LRP1B: variants seen among roughly 807,000 people sequenced by gnomAD.
The protein encoded by LRP1B is low-density lipoprotein receptor-related protein 1B.
In LRP1B, 217 loss-of-function variants were observed where a neutral mutation model predicts 556.6. The ratio of observed to expected loss-of-function variants is 0.39; its 90% CI spans 0.35 to 0.44. The LOEUF (loss-of-function observed/expected upper bound fraction) is 0.44. Among genes scored for constraint, LRP1B ranks in the 20% least tolerant of loss-of-function variants. The pLI is 1.00. For missense variants in LRP1B, 5,053 were observed against 5,620.8 expected (o/e 0.90, Z 3.23); for synonymous variants, 2,047 against 1,865.8 (o/e 1.10, Z -2.50).
chr2:140,639,115 G>T (rs1684181292), intron 41 of LRP1B, among the ~76,000 whole-genome samples: 1 of 152,090 alleles, frequency 6.6e-6, no homozygotes, highest in Non-Finnish European at 1.5e-5. Context: ...TTTAAAGAAG[G>T]TATGAGTGTT....
intron 3 of LRP1B, among the ~76,000 whole-genome samples, chr2:141,326,806 G>A (rs1687446704): frequency 6.6e-6 from 1 of 152,184 alleles, no homozygotes; most frequent in African/African-American, 2.4e-5. Flanking sequence ...CAAACCCAGA[G>A]AGTTGGAGCT....
chr2:140,256,724 C>T (rs1014972014), intron 86 of LRP1B, among the ~76,000 whole-genome samples: 3 of 151,528 alleles, frequency 2.0e-5, no homozygotes, highest in African/African-American at 4.8e-5. Flanking sequence ...GCCTCAGCTT[C>T]CCAAAGTGCT....
At chr2:141,423,290 C>CTTTTTTTTTTTTTTT (rs1176569388) in intron 3 of LRP1B, among the ~76,000 whole-genome samples, 1 of 68,376 alleles carries the variant, frequency 1.5e-5, no homozygotes, top group Non-Finnish European at 3.0e-5. Flanking sequence ...ACAGCCAGAG[C>CTTTTTTTTTTTTTTT]TTTTTTTTTT....
Position 141,906,263 on chromosome 2 carries a change from C to CA in LRP1B, c.83-95863dup, listed in dbSNP as rs1203968555. ...ATTCTTATTGAAAAACAAAACAGAACAAAAAAAAACAAAAACAATGCATGA... is the reference window on the plus strand; with the variant it reads ...ATTCTTATTGAAAAACAAAACAGAACAAAAAAAAAACAAAAACAATGCATGA... On this transcript the variant is annotated intron_variant, in intron 1 of 90. Coordinates refer to ENST00000389484, the MANE Select transcript of LRP1B (RefSeq NM_018557.3). Among the ~76,000 whole-genome samples, 499 of 148,614 alleles carry CA rather than the reference C, an allele frequency of 3.4e-3. 5 individuals are homozygous for CA. Among genetic ancestry groups the CA allele is most frequent in the Admixed American group, 0.022 (328 of 14,884 alleles).
At chr2:141,007,925 G>T (rs967387298) in intron 14 of LRP1B, among the ~76,000 whole-genome samples, 3 of 151,544 alleles carry the variant, frequency 2.0e-5, no homozygotes, top group East Asian at 3.9e-4. Context: ...TTGGTTATTT[G>T]TTCTGTCATA....
intron 2 of LRP1B, among the ~76,000 whole-genome samples, chr2:141,562,769 C>T (rs768108513): frequency 4.6e-5 from 7 of 151,984 alleles, no homozygotes; most frequent in African/African-American, 1.4e-4. Context: ...TTCAAATATT[C>T]GAGTACCTTG....
chr2:140,425,937 G>A (rs1160263114), intron 66 of LRP1B, among the ~76,000 whole-genome samples: 4 of 152,040 alleles, frequency 2.6e-5, no homozygotes, highest in Non-Finnish European at 5.9e-5. Flanking sequence ...TTGGATTCCT[G>A]GAGTTACTAA....
intron 3 of LRP1B, among the ~76,000 whole-genome samples, chr2:141,276,335 T>C: frequency 6.6e-6 from 1 of 151,936 alleles, no homozygotes; most frequent in East Asian, 1.9e-4. Flanking sequence ...CATGTGCAGG[T>C]TTGCTATATA....
intron 57 of LRP1B, among the ~76,000 whole-genome samples, chr2:140,488,496 G>T (rs1428013008): frequency 6.6e-6 from 1 of 151,926 alleles, no homozygotes; most frequent in African/African-American, 2.4e-5. Flanking sequence ...GGATGCTACA[G>T]CTTTTTGGTT....
intron 50 of LRP1B, among the ~76,000 whole-genome samples, chr2:140,515,563 A>T (rs1689859937): frequency 6.6e-6 from 1 of 152,034 alleles, no homozygotes. Context: ...TAAAAATAGC[A>T]ATTCTGCTTT....
chr2:141,297,411 A>G (rs1337975570), intron 3 of LRP1B, among the ~76,000 whole-genome samples: 1 of 152,180 alleles, frequency 6.6e-6, no homozygotes, highest in Non-Finnish European at 1.5e-5. Context: ...TTTCTCTAAG[A>G]AGTAAGAGTT....
rs1301669845 is a variant in LRP1B, at chr2:141,008,296, T to C, written c.2381-2839A>G. Among the ~76,000 whole-genome samples the C allele has an allele frequency of 4.6e-5, 7 of 151,432 alleles. No individual in the cohort carries two copies. In the East Asian group the frequency reaches 1.4e-3, roughly 29 times the overall value. On this transcript the variant is annotated intron_variant, in intron 14 of 90. Coordinates refer to ENST00000389484, the MANE Select transcript of LRP1B (RefSeq NM_018557.3). ...TTATTCAATTTTTTTAAAATAAAAT[T>C]ACAAGGAAGGTTTTATCTCATTTGC...
rs954102923 is a variant in LRP1B at position 140,856,035 on chromosome 2, T to C, written c.4580-4252A>G. ...AATTCATTTCCTCACCTTTGAATGA[T>C]TGCTATGGCTATGTATCTGGTACAT... On this transcript the variant is annotated intron_variant, in intron 27 of 90. Coordinates refer to ENST00000389484, the MANE Select transcript of LRP1B (RefSeq NM_018557.3). Among the ~76,000 whole-genome samples the C allele has an allele frequency of 4.6e-5, 7 of 152,348 alleles. 1 individual carries two copies. The South Asian group carries it at 1.4e-3, about 32-fold the overall frequency.
At chr2:141,446,238 C>CT (rs974758843) in intron 3 of LRP1B, among the ~76,000 whole-genome samples, 21 of 151,818 alleles carry the variant, frequency 1.4e-4, no homozygotes, top group East Asian at 7.7e-4. Flanking sequence ...AACCCCTGCT[C>CT]TTTTTTTTGC....
intron 3 of LRP1B, among the ~76,000 whole-genome samples, chr2:141,422,184 T>A (rs1680170787): frequency 6.6e-6 from 1 of 152,188 alleles, no homozygotes; most frequent in Admixed American, 6.5e-5. Context: ...AAAAGGCAAA[T>A]GAGTTGGGCA....
At chr2:140,742,543 C>A (rs1186840076) in intron 35 of LRP1B, among the ~76,000 whole-genome samples, 2 of 152,052 alleles carry the variant, frequency 1.3e-5, no homozygotes, top group African/African-American at 2.4e-5. Context: ...TTTATTATGG[C>A]AGAATCCAAG....
intron 2 of LRP1B, among the ~76,000 whole-genome samples, chr2:141,774,179 T>G (rs900013931): frequency 1.3e-5 from 2 of 152,220 alleles, no homozygotes; most frequent in Admixed American, 6.5e-5. Flanking sequence ...TACAAAAAGA[T>G]AGCTGGATGT....
intron 1 of LRP1B, among the ~76,000 whole-genome samples, chr2:142,057,542 G>T (rs537521811): frequency 7.2e-5 from 11 of 152,236 alleles, no homozygotes; most frequent in South Asian, 2.1e-4. Context: ...ACTGTTGATT[G>T]GCTTTAACTA....
chr2:140,973,709 T>A (rs1323881294), intron 18 of LRP1B, among the ~76,000 whole-genome samples: 1 of 152,010 alleles, frequency 6.6e-6, no homozygotes, highest in Non-Finnish European at 1.5e-5. Context: ...TTGTAAAAAA[T>A]ACCAAATTTC....
Sources: gnomAD v4.1 joint callset for allele counts (sites outside exome capture counted in the v4.1 genomes callset) on GRCh38, gnomAD v4.1.1 for gene constraint, MANE v1.5 for transcripts, NCBI Gene and HGNC (gene_info 2026-07-23, HGNC 2026-07-21) for gene names.